The following CMSS1 variants were observed in gnomAD, a reference collection of about 807,000 sequenced individuals.
CMSS1 encodes cms1 ribosomal small subunit homolog, also known as protein CMSS1.
Under a neutral mutation model 43.5 loss-of-function variants are expected in CMSS1, and 33 were observed. The observed-to-expected ratio is 0.76, with a 90% CI of 0.57 to 1.01. The LOEUF is 1.01. Ranked by LOEUF, CMSS1 falls within the 50% of genes least tolerant of loss-of-function variation. The pLI is 0.00. For synonymous variants in CMSS1, 115 were observed against 117.2 expected (o/e 0.98, Z 0.12); for missense variants, 313 against 326.4 (o/e 0.96, Z 0.32).
chr3:100,172,625 G>C lies in CMSS1; in HGVS notation c.667+222G>C, dbSNP rs145894167. Among the ~76,000 whole-genome samples, 10 of 152,324 alleles carry C rather than the reference G, an allele frequency of 6.6e-5. No homozygotes were observed. The East Asian group carries it at 1.7e-3, about 26-fold the overall frequency. On this transcript the variant is annotated intron_variant, in intron 8 of 9. Coordinates refer to ENST00000421999, the MANE Select transcript of CMSS1 (RefSeq NM_032359.4). ...TGAAGTACGTGTGCCCACCTAAACAGAGTCAAATTCCAGCTGCTATAAGCA... is the reference window on the plus strand; with the variant it reads ...TGAAGTACGTGTGCCCACCTAAACACAGTCAAATTCCAGCTGCTATAAGCA...
At chr3:100,009,175 A>G (rs1048465314) in intron 1 of CMSS1, among the ~76,000 whole-genome samples, 3 of 152,206 alleles carry the variant, frequency 2.0e-5, no homozygotes, top group Admixed American at 1.3e-4. Context: ...GGCCTGTTTC[A>G]ATTTGATCAC....
chr3:100,070,801 T>C (rs1021438527), intron 1 of CMSS1, among the ~76,000 whole-genome samples: 8 of 152,144 alleles, frequency 5.3e-5, no homozygotes, highest in African/African-American at 1.9e-4. Context: ...CTGGCTAATT[T>C]TGTATTTTTA....
chr3:99,893,902 C>T (rs913820005), intron 1 of CMSS1, among the ~76,000 whole-genome samples: 18 of 152,176 alleles, frequency 1.2e-4, no homozygotes, highest in Non-Finnish European at 2.6e-4. Flanking sequence ...TTTGCCAAAT[C>T]CACAAATATT....
intron 1 of CMSS1, among the ~76,000 whole-genome samples, chr3:99,921,021 A>G (rs754702751): frequency 9.9e-5 from 15 of 152,134 alleles, no homozygotes; most frequent in Non-Finnish European, 4.4e-5. Flanking sequence ...TGGGGTTATG[A>G]TATCTTTGTT....
At chr3:100,090,497 C>T (rs557605500) in intron 1 of CMSS1, among the ~76,000 whole-genome samples, 2 of 152,266 alleles carry the variant, frequency 1.3e-5, no homozygotes, top group South Asian at 4.1e-4. Flanking sequence ...GAGAGCAAAA[C>T]CAGGCGACAG....
At chr3:99,958,783 G>A (rs542157023) in intron 1 of CMSS1, among the ~76,000 whole-genome samples, 1 of 152,296 alleles carries the variant, frequency 6.6e-6, no homozygotes, top group South Asian at 2.1e-4. Context: ...GGCTGGTGAT[G>A]TAGTGGAACA....
intron 1 of CMSS1, among the ~76,000 whole-genome samples, chr3:100,084,042 A>G (rs561924264): frequency 4.3e-4 from 66 of 152,328 alleles, no homozygotes; most frequent in African/African-American, 1.5e-3. Context: ...TAAAATAATA[A>G]TAATGCTTGT....
chr3:99,860,630 C>G (rs932528325), intron 1 of CMSS1, among the ~76,000 whole-genome samples: 4 of 152,090 alleles, frequency 2.6e-5, no homozygotes, highest in Non-Finnish European at 4.4e-5. Flanking sequence ...AAGGAGGTGC[C>G]CATGATTCTG....
At chr3:100,011,297 TGA>T (rs1710149679) in intron 1 of CMSS1, among the ~76,000 whole-genome samples, 1 of 152,092 alleles carries the variant, frequency 6.6e-6, no homozygotes. Context: ...CGACACGTGT[TGA>T]TCTATTGAGT....
At position 100,166,423 on chromosome 3, in the gene CMSS1, A is replaced by G. The variant is rs1202517091; in HGVS notation, c.415+29A>G. Reference sequence around the variant, plus strand: ...AGTAAACTCTGATTTTAATCTATTTAAACTCATTCTTATTTTGCTCTGGTT... The same window carrying G: ...AGTAAACTCTGATTTTAATCTATTTGAACTCATTCTTATTTTGCTCTGGTT... On this transcript the variant is annotated intron_variant, in intron 5 of 9. Coordinates refer to ENST00000421999, the MANE Select transcript of CMSS1 (RefSeq NM_032359.4). 2.8e-6 allele frequency: 4 copies of G among 1,414,142 alleles called. No homozygotes were observed. In the South Asian group the frequency reaches 4.6e-5, roughly 16 times the overall value. 87.6% of individuals were successfully genotyped at this position (1,414,142 alleles called of 1,614,324 possible).
At chr3:100,021,012 G>A (rs548398944) in intron 1 of CMSS1, among the ~76,000 whole-genome samples, 6 of 152,194 alleles carry the variant, frequency 3.9e-5, no homozygotes, top group Non-Finnish European at 7.4e-5. Context: ...TGATCTGCCC[G>A]CCTTGGCCTC....
chr3:100,135,307 T>C (rs1302349409), intron 1 of CMSS1, among the ~76,000 whole-genome samples: 4 of 152,158 alleles, frequency 2.6e-5, no homozygotes, highest in African/African-American at 9.7e-5. Flanking sequence ...AATATATAAA[T>C]GTTCAAACAT....
At chr3:100,043,700 G>C (rs1254526097) in intron 1 of CMSS1, among the ~76,000 whole-genome samples, 1 of 152,172 alleles carries the variant, frequency 6.6e-6, no homozygotes, top group Admixed American at 6.5e-5. Context: ...AAAAAATTGT[G>C]TATATTTAGG....
chr3:99,951,815 ACT>A (rs1294509116), intron 1 of CMSS1, among the ~76,000 whole-genome samples: 4 of 151,866 alleles, frequency 2.6e-5, no homozygotes, highest in African/African-American at 9.7e-5. Context: ...AACTACTCAA[ACT>A]CTATCTTTCC....
chr3:100,059,766 A>G (rs962470300), intron 1 of CMSS1, among the ~76,000 whole-genome samples: 2 of 152,184 alleles, frequency 1.3e-5, no homozygotes, highest in Admixed American at 1.3e-4. Flanking sequence ...CAGAGCTTCC[A>G]GTTTGTCAAG....
rs1474281873 is a variant in CMSS1 at position 99,929,797 on chromosome 3, C to T, written c.64+111754C>T. ...TCAAAGAGGAGTTACAGATCATGCT[C>T]ATCTGCAGGGCTAGTGCTTGGCTGC... On this transcript the variant is annotated intron_variant, in intron 1 of 9. Coordinates refer to ENST00000421999, the MANE Select transcript of CMSS1 (RefSeq NM_032359.4). The T allele has an allele frequency of 2.3e-6, 3 of 1,278,766 alleles. No individual in the cohort carries two copies. In the Admixed American group the frequency reaches 6.9e-5, roughly 30 times the overall value. The allele number at this position is 1,278,766 out of a possible 1,614,324, so 79.2% of individuals were successfully genotyped here. A position where few individuals can be genotyped will look rare whatever the true frequency, so the allele number is the denominator to read the frequency against.
chr3:100,140,171 A>G (rs1000119093), intron 1 of CMSS1, among the ~76,000 whole-genome samples: 9 of 152,190 alleles, frequency 5.9e-5, no homozygotes, highest in Non-Finnish European at 1.2e-4. Context: ...CACACAACTA[A>G]TAATTGCTGA....
intron 1 of CMSS1, chr3:99,930,669 G>T: frequency 7.7e-7 from 1 of 1,307,174 alleles, no homozygotes; most frequent in Non-Finnish European, 1.1e-6. Context: ...GTACACACAT[G>T]TATGAACCAC....
intron 1 of CMSS1, among the ~76,000 whole-genome samples, chr3:100,055,187 C>T (rs935477798): frequency 6.6e-6 from 1 of 152,216 alleles, no homozygotes; most frequent in Non-Finnish European, 1.5e-5. Context: ...TCGTCCTACT[C>T]TTATCAATTT....
Sources: gnomAD v4.1 joint callset for allele counts (sites outside exome capture counted in the v4.1 genomes callset) on GRCh38, gnomAD v4.1.1 for gene constraint, MANE v1.5 for transcripts, NCBI Gene and HGNC (gene_info 2026-07-23, HGNC 2026-07-21) for gene names.